ERC1: variants seen among roughly 807,000 people sequenced by gnomAD.
The protein encoded by ERC1 is RAB6 interacting protein 2.
ERC1 carries 56 observed loss-of-function variants against 132.0 expected under a neutral mutation model. That is an observed-to-expected ratio of 0.42 (90% CI 0.34 to 0.53). The LOEUF is 0.53. ERC1 is among the 20% of genes least tolerant of loss of function. The probability of loss-of-function intolerance (pLI) is 0.03; values close to 1 mark genes in which losing one functional copy is unlikely to be tolerated. For synonymous variants in ERC1, 478 were observed against 476.1 expected (o/e 1.00, Z -0.05); for missense variants, 1,202 against 1,349.9 (o/e 0.89, Z 1.72).
chr12:1,247,176 C>T (rs1020513362), intron 13 of ERC1, among the ~76,000 whole-genome samples: 2 of 151,962 alleles, frequency 1.3e-5, no homozygotes, highest in African/African-American at 2.4e-5. Flanking sequence ...TTGCAGTAAG[C>T]CCTGTTTGCG....
At chr12:1,079,231 A>G (rs1254853150) in intron 2 of ERC1, among the ~76,000 whole-genome samples, 1 of 151,182 alleles carries the variant, frequency 6.6e-6, no homozygotes, top group Non-Finnish European at 1.5e-5. Context: ...ATGATTTGTA[A>G]TAAGACAAAA....
intron 11 of ERC1, among the ~76,000 whole-genome samples, chr12:1,188,206 C>T (rs575333193): frequency 2.0e-5 from 3 of 152,158 alleles, no homozygotes; most frequent in Non-Finnish European, 2.9e-5. Flanking sequence ...CTTCTTTCTT[C>T]GTAGATACTA....
At chr12:1,104,893 TGTGA>T (rs1444744089) in intron 4 of ERC1, 69 bp downstream of exon 4, 6 of 1,018,834 alleles carry the variant, frequency 5.9e-6, no homozygotes, top group Admixed American at 3.5e-5. Flanking sequence ...AACTTCCATG[TGTGA>T]GTGTTAGGAA....
At chr12:1,162,217 G>A (rs1024547210) in intron 8 of ERC1, among the ~76,000 whole-genome samples, 5 of 152,160 alleles carry the variant, frequency 3.3e-5, no homozygotes, top group Non-Finnish European at 5.9e-5. Context: ...CCTTCCCAGG[G>A]TTCTCCCCTA....
chr12:1,444,572 C>G lies in ERC1; in HGVS notation c.3035C>G (p.Pro1012Arg), dbSNP rs145292132. ...ATTTTTTTGCCTTAGATCATCCAGCCCCTCTTAGAACTTGACCAAAATAGA... is the reference window on the plus strand; with the variant it reads ...ATTTTTTTGCCTTAGATCATCCAGCGCCTCTTAGAACTTGACCAAAATAGA... ...HKPSPDQIIQ[P>R]LLELDQNRSK... Residue 1012 changes from proline to arginine, a missense_variant, in exon 18 of 19, where the codon CCC becomes CGC. Physicochemically the swap from Pro to Arg is moderately radical, Grantham distance 103. Coordinates refer to ENST00000360905, the MANE Select transcript of ERC1 (RefSeq NM_178040.4). The G allele has an allele frequency of 4.4e-6, 7 of 1,606,158 alleles. No individual in the cohort carries two copies. In the African/African-American group the frequency reaches 9.4e-5, roughly 22 times the overall value.
chr12:1,096,075 C>T (rs1002708587), intron 3 of ERC1, among the ~76,000 whole-genome samples: 3 of 152,090 alleles, frequency 2.0e-5, no homozygotes, highest in Middle Eastern at 3.4e-3. Flanking sequence ...TACACATGAG[C>T]ACCACCACAC....
intron 8 of ERC1, among the ~76,000 whole-genome samples, chr12:1,178,273 C>T (rs1432104809): frequency 1.3e-5 from 2 of 151,698 alleles, no homozygotes; most frequent in South Asian, 2.1e-4. Flanking sequence ...TTTGTAATTC[C>T]GTTATTGGCA....
At chr12:1,011,986 G>C (rs16932131) in intron 1 of ERC1, among the ~76,000 whole-genome samples, 12,603 of 151,850 alleles carry the variant, frequency 0.083, 706 homozygotes, top group South Asian at 0.18. Flanking sequence ...TGTTATAAAC[G>C]TTTTTTAAAT....
intron 12 of ERC1, among the ~76,000 whole-genome samples, chr12:1,198,907 C>T (rs1461104274): frequency 1.3e-5 from 2 of 149,544 alleles, no homozygotes; most frequent in Admixed American, 6.6e-5. Flanking sequence ...CAGTCACTTC[C>T]CACCAGGCCC....
intron 3 of ERC1, among the ~76,000 whole-genome samples, chr12:1,095,993 T>C (rs543147718): frequency 6.6e-6 from 1 of 151,970 alleles, no homozygotes; most frequent in Admixed American, 6.6e-5. Flanking sequence ...TGGCGTGATC[T>C]TGGCTCATTG....
At chr12:1,411,291 T>C (rs1037195835) in intron 17 of ERC1, among the ~76,000 whole-genome samples, 4 of 152,210 alleles carry the variant, frequency 2.6e-5, no homozygotes. Flanking sequence ...AGTTCACACA[T>C]ATTTGGTGGC....
At chr12:1,390,562 A>G (rs1366163884) in intron 16 of ERC1, 1 of 152,220 alleles carries the variant, frequency 6.6e-6, no homozygotes, top group African/African-American at 2.4e-5. Context: ...TTCTGAACCT[A>G]AAAACTGGAA....
intron 15 of ERC1, among the ~76,000 whole-genome samples, chr12:1,323,715 G>A (rs2082266683): frequency 6.6e-6 from 1 of 152,096 alleles, no homozygotes; most frequent in African/African-American, 2.4e-5. Context: ...AATTAACTGT[G>A]ACCACATTAA....
At chr12:1,377,003 C>A (rs955861181) in intron 16 of ERC1, among the ~76,000 whole-genome samples, 1 of 152,150 alleles carries the variant, frequency 6.6e-6, no homozygotes, top group Non-Finnish European at 1.5e-5. Flanking sequence ...AGAATGATCC[C>A]ATATTCTTCA....
At chr12:1,477,289 T>G (rs1161734665) in intron 18 of ERC1, among the ~76,000 whole-genome samples, 1 of 152,264 alleles carries the variant, frequency 6.6e-6, no homozygotes, top group Non-Finnish European at 1.5e-5. Context: ...GCACTTAGAA[T>G]AATACTTGGC....
At chr12:1,305,489 T>G (rs2080809109) in intron 15 of ERC1, among the ~76,000 whole-genome samples, 1 of 152,132 alleles carries the variant, frequency 6.6e-6, no homozygotes, top group Admixed American at 6.5e-5. Flanking sequence ...ATAACCCAGT[T>G]TTTAACCTAC....
At chr12:1,281,300 T>C (rs2078661743) in intron 14 of ERC1, among the ~76,000 whole-genome samples, 1 of 152,222 alleles carries the variant, frequency 6.6e-6, no homozygotes. Flanking sequence ...CAACACTTGC[T>C]TTATTCTATT....
Position 1,196,949 on chromosome 12 carries a change from CACACACACACACAT to C in ERC1, c.2351+6899_2351+6912del, listed in dbSNP as rs1273277564. Among the ~76,000 whole-genome samples the C allele has an allele frequency of 1.4e-3, 53 of 37,486 alleles. 2 individuals are homozygous for C. Among genetic ancestry groups the C allele is most frequent in the African/African-American group, 0.01 (26 of 2,540 alleles). The allele number at this position is 37,486 out of a possible 152,430, so 24.6% of individuals were successfully genotyped here. A position where few individuals can be genotyped will look rare whatever the true frequency, so the allele number is the denominator to read the frequency against. ...ACACACACACACACACACACACACA[CACACACACACACAT>C]ATATATATATATATTTTTTTTTTTT... On this transcript the variant is annotated intron_variant, in intron 12 of 18. Transcript: ENST00000360905.
intron 15 of ERC1, among the ~76,000 whole-genome samples, chr12:1,296,973 T>G (rs917979214): frequency 6.6e-6 from 1 of 152,262 alleles, no homozygotes; most frequent in Admixed American, 6.5e-5. Context: ...CATGAATCTT[T>G]GATTTACAAA....
Sources: allele counts gnomAD v4.1 joint callset (sites outside exome capture counted in the v4.1 genomes callset), GRCh38; gene constraint gnomAD v4.1.1; transcripts MANE v1.5; gene names NCBI Gene and HGNC (gene_info 2026-07-23, HGNC 2026-07-21).